Variants in MED13 observed in about 807,000 individuals in gnomAD.
MED13 encodes mediator complex subunit 13, also known as mediator of RNA polymerase II transcription subunit 13.
A neutral mutation model predicts 225.2 loss-of-function variants in MED13; 23 were observed. That is an observed-to-expected ratio of 0.10 (90% CI 0.07 to 0.14). The LOEUF (loss-of-function observed/expected upper bound fraction) is 0.14. Among genes scored for constraint, MED13 ranks in the 10% least tolerant of loss-of-function variants. The pLI is 1.00. For synonymous variants in MED13, 942 were observed against 889.2 expected (o/e 1.06, Z -1.06); for missense variants, 2,197 against 2,594.5 (o/e 0.85, Z 3.33).
At chr17:62,024,376 G>A (rs2143651593) in intron 8 of MED13, among the ~76,000 whole-genome samples, 1 of 152,310 alleles carries the variant, frequency 6.6e-6, no homozygotes, top group South Asian at 2.1e-4. Context: ...ATTTAAACCT[G>A]TGTTGCCAAC....
At chr17:62,049,094 AAGG>A (rs1324567644) in intron 3 of MED13, among the ~76,000 whole-genome samples, 1 of 151,082 alleles carries the variant, frequency 6.6e-6, no homozygotes, top group Non-Finnish European at 1.5e-5. Context: ...AAAAAAAAAA[AAGG>A]AGAAATGAGA....
At chr17:61,960,692 TTA>T (rs1221514654) in intron 23 of MED13, among the ~76,000 whole-genome samples, 173 bp downstream of exon 23, 9 of 152,272 alleles carry the variant, frequency 5.9e-5, no homozygotes, top group African/African-American at 1.7e-4. Context: ...TTATTTTTAA[TTA>T]TGTTAGTTAT....
chr17:62,045,685 C>T (rs1256407120), intron 3 of MED13, among the ~76,000 whole-genome samples: 1 of 152,156 alleles, frequency 6.6e-6, no homozygotes, highest in Admixed American at 6.6e-5. Context: ...AAACTCAATG[C>T]CTGTCATGTG....
chr17:61,951,356 C>T (rs762511204), intron 27 of MED13, among the ~76,000 whole-genome samples: 44 of 152,124 alleles, frequency 2.9e-4, no homozygotes, highest in Non-Finnish European at 4.6e-4. Flanking sequence ...AACCACACCC[C>T]AATCAAAAGG....
Position 61,946,438 on chromosome 17 carries a change from C to T in MED13, c.*30G>A, listed in dbSNP as rs1216767190. ...AGCGAAACATCCATTTTTCCTTGTT[C>T]TTTTCTTGCACAGTTCCATCAAATG... On this transcript the variant is annotated 3_prime_UTR_variant, in exon 30 of 30. Coordinates refer to ENST00000397786, the MANE Select transcript of MED13 (RefSeq NM_005121.3). The T allele has an allele frequency of 6.2e-7, 1 of 1,601,106 alleles. No homozygotes were observed. Among genetic ancestry groups the T allele is most frequent in the Non-Finnish European group, 8.5e-7 (1 of 1,173,734 alleles).
At chr17:61,972,499 T>C (rs370050078) in intron 17 of MED13, among the ~76,000 whole-genome samples, 7 of 152,188 alleles carry the variant, frequency 4.6e-5, no homozygotes, top group East Asian at 1.9e-4. Context: ...AAGCCCCCTA[T>C]GTGTAAGAAC....
chr17:61,982,957 T>A lies in MED13; in HGVS notation c.3046A>T (p.Arg1016Trp). The A allele has an allele frequency of 6.2e-7, 1 of 1,613,944 alleles. No homozygotes were observed. The highest frequency in any genetic ancestry group is 2.2e-5 in the East Asian group (1 of 44,880). The change falls in exon 16 of 30, where the codon AGG (arginine) becomes TGG (tryptophan). Residue 1016 changes from arginine to tryptophan, a missense_variant. By Grantham distance (101) the Arg-to-Trp change is moderately radical. Around this residue, in one of 12 missense-constraint regions of MED13, gnomAD observed 99 missense variants for 158.5 expected, o/e 0.62. Transcript: ENST00000397786. The stretch of plus-strand genomic sequence containing the variant: ...GCTCCACGAGGAGTCCGAGGAGTCC[T>A]TGGAGTCCTTGGAGTTGGAAACCGA... ...TPRFPTPRTP[R>W]TPRTPRGAGG...
At chr17:62,013,831 G>C (rs1261956838) in intron 8 of MED13, among the ~76,000 whole-genome samples, 1 of 152,116 alleles carries the variant, frequency 6.6e-6, no homozygotes, top group African/African-American at 2.4e-5. Context: ...ATGAAGTCAG[G>C]AGTTCAAGAC....
chr17:61,951,866 T>A (rs1478782801), intron 27 of MED13, among the ~76,000 whole-genome samples: 3 of 152,192 alleles, frequency 2.0e-5, no homozygotes, highest in Non-Finnish European at 4.4e-5. Context: ...TACCTATGCA[T>A]ACTACAATAA....
At chr17:62,016,474 T>G (rs1307218653) in intron 8 of MED13, among the ~76,000 whole-genome samples, 1 of 152,198 alleles carries the variant, frequency 6.6e-6, no homozygotes, top group Non-Finnish European at 1.5e-5. Flanking sequence ...TTTCTGTATC[T>G]TCCAGCCCTT....
At chr17:61,990,789 G>A (rs578171240) in intron 11 of MED13, among the ~76,000 whole-genome samples, 3 of 151,988 alleles carry the variant, frequency 2.0e-5, no homozygotes, top group Non-Finnish European at 4.4e-5. Context: ...CCATTCACAA[G>A]GAGTTTAAGT....
At chr17:62,034,816 A>G (rs560746781) in intron 4 of MED13, among the ~76,000 whole-genome samples, 85 of 152,192 alleles carry the variant, frequency 5.6e-4, no homozygotes, top group African/African-American at 2.0e-3. Flanking sequence ...CTTTGTAGCT[A>G]TGTTACACAT....
At chr17:61,973,431 C>T (rs1603394809) in intron 16 of MED13, among the ~76,000 whole-genome samples, 1 of 152,004 alleles carries the variant, frequency 6.6e-6, no homozygotes, top group Non-Finnish European at 1.5e-5. Flanking sequence ...GCTTATACAT[C>T]TTAAATATTT....
rs1223206100 is a variant in MED13 at position 62,029,848 on chromosome 17, C to T, written c.1172+3G>A. The T allele has an allele frequency of 1.5e-5, 24 of 1,591,942 alleles. No homozygotes were observed. Among genetic ancestry groups the T allele is most frequent in the Non-Finnish European group, 2.0e-5 (23 of 1,171,880 alleles). Reference sequence around the variant, plus strand: ...TTTTGAACTTATAAATGAAAATACACACTTGTTCTGTGCTCTGTTCATATT... The same window carrying T: ...TTTTGAACTTATAAATGAAAATACATACTTGTTCTGTGCTCTGTTCATATT... On this transcript the variant is annotated splice_donor_region_variant and intron_variant, in intron 7 of 29. Coordinates refer to ENST00000397786, the MANE Select transcript of MED13 (RefSeq NM_005121.3).
chr17:62,065,124 C>G lies in MED13; in HGVS notation c.66+16G>C. ...GCGGCCCCCCTCCCTCGGCGCCCGCCGGCCCCGGCACTCACCAGGCAGAAG... is the reference window on the plus strand; with the variant it reads ...GCGGCCCCCCTCCCTCGGCGCCCGCGGGCCCCGGCACTCACCAGGCAGAAG... On this transcript the variant is annotated intron_variant, in intron 1 of 29. Transcript: ENST00000397786. The G allele has an allele frequency of 6.5e-7, 1 of 1,541,234 alleles. No individual in the cohort carries two copies. The highest frequency in any genetic ancestry group is 8.7e-7 in the Non-Finnish European group (1 of 1,145,776).
chr17:62,050,483 G>A (rs74546691), intron 3 of MED13, among the ~76,000 whole-genome samples: 28 of 151,914 alleles, frequency 1.8e-4, no homozygotes, highest in Non-Finnish European at 3.4e-4. Context: ...GAATTTCAAT[G>A]GTAGGCTGTT....
At position 62,052,643 on chromosome 17, in the gene MED13, C is replaced by T. The variant is rs199643896; in HGVS notation, c.364G>A (p.Ala122Thr). 4 of 1,603,064 alleles carry T rather than the reference C, an allele frequency of 2.5e-6. No homozygotes were observed. Among genetic ancestry groups the T allele is most frequent in the Non-Finnish European group, 3.4e-6 (4 of 1,173,634 alleles). The change falls in exon 3 of 30, where the codon GCA becomes ACA. Residue 122 changes from alanine to threonine, a missense_variant. By Grantham distance (58) the Ala-to-Thr change is moderately conservative (BLOSUM62 0). Transcript: ENST00000397786. ...SYECRTLLFK[A>T]VHNLLERCLM... ...CACCGTTCCAATAGATTGTGAACTG[C>T]TTTGAAAAGCAGAGTACGGCATTCA...
intron 8 of MED13, among the ~76,000 whole-genome samples, chr17:62,018,258 A>T (rs2080602010): frequency 6.6e-6 from 1 of 152,196 alleles, no homozygotes; most frequent in Non-Finnish European, 1.5e-5. Context: ...CACATCCTCA[A>T]ATTCAACCAA....
intron 9 of MED13, among the ~76,000 whole-genome samples, chr17:62,007,675 C>T (rs929484139): frequency 6.6e-6 from 1 of 151,420 alleles, no homozygotes; most frequent in Admixed American, 6.6e-5. Flanking sequence ...GGTGAAACCC[C>T]GTCTCTACTA....
Sources: gnomAD v4.1 joint callset for allele counts (sites outside exome capture counted in the v4.1 genomes callset) on GRCh38, gnomAD v4.1.1 for gene constraint, gnomAD v4.1.1 regional missense constraint, MANE v1.5 for transcripts, NCBI Gene and HGNC (gene_info 2026-07-23, HGNC 2026-07-21) for gene names.